Variants in ELN observed in about 807,000 individuals in gnomAD.
ELN encodes tropoelastin.
A neutral mutation model predicts 105.8 loss-of-function variants in ELN; 65 were observed. The ratio of observed to expected loss-of-function variants is 0.61; its 90% confidence interval spans 0.50 to 0.75. ELN has a LOEUF of 0.75. Among genes scored for constraint, ELN ranks in the 30% least tolerant of loss-of-function variants. The probability of loss-of-function intolerance (pLI) is 0.00; values close to 1 mark genes in which losing one functional copy is unlikely to be tolerated. For missense variants in ELN, 882 were observed against 969.4 expected (o/e 0.91, Z 1.20); for synonymous variants, 368 against 389.2 (o/e 0.95, Z 0.64).
chr7:74,066,051 G>T lies in ELN; in HGVS notation c.2086+54G>T, dbSNP rs370006909. ...CCTCAGCTCTGTCCCGATCTAGAGG[G>T]GGCCTGTCCATCTAGCAGTGGGGAC... On this transcript the variant is annotated intron_variant, in intron 31 of 32. Coordinates refer to ENST00000252034, the MANE Select transcript of ELN (RefSeq NM_000501.4). 96 of 1,612,594 alleles carry T rather than the reference G, an allele frequency of 6.0e-5. No homozygotes were observed. In the African/African-American group the frequency reaches 1.2e-3, roughly 19 times the overall value.
Position 74,060,193 on chromosome 7 carries a change from C to T in ELN, c.1621+9C>T, listed in dbSNP as rs986704190. The T allele has an allele frequency of 6.2e-7, 1 of 1,614,108 alleles. No homozygotes were observed. The highest frequency in any genetic ancestry group is 8.5e-7 in the Non-Finnish European group (1 of 1,180,048). ...TGCCAAAGCCCAGCTCCGTGAGTGC[C>T]TCGCCCACCTTTCTCTCCTCTCCCC... On this transcript the variant is annotated intron_variant, in intron 24 of 32. Transcript: ENST00000252034.
chr7:74,059,303 C>T (rs782026284), intron 22 of ELN, among the ~76,000 whole-genome samples: 3 of 152,190 alleles, frequency 2.0e-5, no homozygotes, highest in Non-Finnish European at 4.4e-5. Flanking sequence ...AACCCAAAGC[C>T]TTTCTGTCTT....
At chr7:74,045,134 G>T in intron 9 of ELN, 88 bp from the exon 10 acceptor site, 13 of 1,499,012 alleles carry the variant, frequency 8.7e-6, no homozygotes, top group Non-Finnish European at 1.2e-5. Context: ...CCCAAGGGAG[G>T]TCAGCTGGGG....
At chr7:74,043,076 G>T in intron 7 of ELN, 42 bp downstream of exon 7, 1 of 1,614,198 alleles carries the variant, frequency 6.2e-7, no homozygotes, top group Non-Finnish European at 8.5e-7. Flanking sequence ...AAAGTTGCAG[G>T]CCTGGGTGGA....
intron 26 of ELN, among the ~76,000 whole-genome samples, chr7:74,061,567 G>A (rs905962692): frequency 5.3e-5 from 8 of 152,080 alleles, no homozygotes; most frequent in East Asian, 1.9e-4. Context: ...CAGGAGAATC[G>A]CTTGAACCCA....
chr7:74,066,574 T>A (rs1798004958), intron 31 of ELN, among the ~76,000 whole-genome samples, 158 bp from the exon 32 acceptor site: 1 of 151,696 alleles, frequency 6.6e-6, no homozygotes, highest in African/African-American at 2.4e-5. Context: ...CTCAAAAAAA[T>A]AATAATAAAA....
intron 2 of ELN, 110 bp downstream of exon 2, chr7:74,035,524 G>A: frequency 7.7e-7 from 1 of 1,298,202 alleles, no homozygotes. Flanking sequence ...ACGCCTACCA[G>A]AAGTCACACC....
intron 18 of ELN, among the ~76,000 whole-genome samples, chr7:74,053,523 C>A (rs1794576107): frequency 6.6e-6 from 1 of 152,162 alleles, no homozygotes; most frequent in Admixed American, 6.5e-5. Flanking sequence ...TTCCAATTGA[C>A]CTTCTGGCTA....
chr7:74,063,531 G>A lies in ELN; in HGVS notation c.1919-90G>A. Reference sequence around the variant, plus strand: ...AGGGGAGACCTCAGGCTCCACCTGTGTCCCCAGAGGACACCTCCGCCCTCC... The same window carrying A: ...AGGGGAGACCTCAGGCTCCACCTGTATCCCCAGAGGACACCTCCGCCCTCC... On this transcript the variant is annotated intron_variant, in intron 28 of 32. Transcript: ENST00000252034. The surrounding 1 kb of genome is among the most constrained non-coding windows in gnomAD (Gnocchi z 4.1). The A allele has an allele frequency of 2.5e-5, 41 of 1,611,458 alleles. No homozygotes were observed. Among genetic ancestry groups the A allele is most frequent in the Non-Finnish European group, 3.3e-5 (39 of 1,178,796 alleles).
intron 32 of ELN, among the ~76,000 whole-genome samples, chr7:74,067,990 C>G (rs1333435208): frequency 6.6e-6 from 1 of 151,366 alleles, no homozygotes; most frequent in Non-Finnish European, 1.5e-5. Context: ...GTTCCTGCCC[C>G]ACTCTCTGCT....
At chr7:74,035,780 T>TA (rs144049843) in intron 2 of ELN, 30,316 of 336,038 alleles carry the variant, frequency 0.09, 1,760 homozygotes, top group African/African-American at 0.2. Context: ...GTATAGAAAT[T>TA]AAAAAAAAAT....
rs186884963 is a variant in ELN at position 74,063,105 on chromosome 7, A to C, written c.1787-48A>C. The C allele has an allele frequency of 7.7e-6, 12 of 1,565,526 alleles. No homozygotes were observed. The African/African-American group carries it at 1.5e-4, about 19-fold the overall frequency. On this transcript the variant is annotated intron_variant, in intron 26 of 32. Transcript: ENST00000252034. This position sits in a 1 kb window ranked among gnomAD's most constrained non-coding sequence, Gnocchi z 4.1. Reference sequence around the variant, plus strand: ...TGCCTTGTGTCCCTGGGGCAGGGAGACCCATCGTTCAGAAATGGAACACTC... The same window carrying C: ...TGCCTTGTGTCCCTGGGGCAGGGAGCCCCATCGTTCAGAAATGGAACACTC...
intron 20 of ELN, 93 bp downstream of exon 20, chr7:74,056,528 G>A (rs951298799): frequency 3.1e-5 from 50 of 1,603,148 alleles, no homozygotes; most frequent in African/African-American, 5.4e-5. Context: ...ACTGTAGATC[G>A]GGCTTGAATG....
Position 74,068,878 on chromosome 7 carries a change from G to A in ELN, c.*178G>A. The A allele has an allele frequency of 1.4e-6, 1 of 740,102 alleles. No individual in the cohort carries two copies. 45.8% of individuals were successfully genotyped at this position (740,102 alleles called of 1,614,324 possible). On this transcript the variant is annotated 3_prime_UTR_variant, in exon 33 of 33. Transcript: ENST00000252034. ...AAGGAAACAAGAGGGGAGCGGCCAAGTGCCCCGACCAGGAGGCCCCCTACT... is the reference window on the plus strand; with the variant it reads ...AAGGAAACAAGAGGGGAGCGGCCAAATGCCCCGACCAGGAGGCCCCCTACT...
rs187294216 is a variant in ELN, at chr7:74,055,715, A to G, written c.1151-556A>G. Among the ~76,000 whole-genome samples, 522 of 150,754 alleles carry G rather than the reference A, an allele frequency of 3.5e-3. 1 individual carries two copies. Among genetic ancestry groups the G allele is most frequent in the African/African-American group, 0.012 (475 of 41,064 alleles). On this transcript the variant is annotated intron_variant, in intron 19 of 32. Coordinates refer to ENST00000252034, the MANE Select transcript of ELN (RefSeq NM_000501.4). ...GGCTGGTCTCGAACTCCTGGACTCA[A>G]ATGATCCACCTGCCTCGTGGATCCC... is the stretch of plus-strand genomic sequence containing the variant.
intron 24 of ELN, 38 bp downstream of exon 24, chr7:74,060,222 G>T (rs782776351): frequency 2.5e-6 from 4 of 1,613,980 alleles, no homozygotes; most frequent in East Asian, 2.2e-5. Context: ...TCTCCCCAAC[G>T]ATCTCAGAGC....
intron 12 of ELN, among the ~76,000 whole-genome samples, chr7:74,047,446 C>T (rs574518821): frequency 6.6e-6 from 1 of 152,316 alleles, no homozygotes; most frequent in South Asian, 2.1e-4. Flanking sequence ...GACTCCAGGG[C>T]CATGATGGGG....
At chr7:74,046,570 C>G (rs879946767) in intron 11 of ELN, 126 bp from the exon 12 acceptor site, 11 of 972,610 alleles carry the variant, frequency 1.1e-5, no homozygotes, top group Middle Eastern at 2.3e-4. Context: ...TTCAGGGAGT[C>G]CCTCGAAGCA....
chr7:74,057,706 C>T lies in ELN; in HGVS notation c.1414+10C>T, dbSNP rs544467868. 6.2e-7 allele frequency: 1 copy of T among 1,612,796 alleles called. No individual in the cohort carries two copies. Among genetic ancestry groups the T allele is most frequent in the South Asian group, 1.1e-5 (1 of 91,016 alleles). ...AAAGCCGCCCAGTTTGGTAAGTCCC[C>T]CTCACCCCCGCCACTGGCTCACGGA... On this transcript the variant is annotated intron_variant, in intron 22 of 32. Transcript: ENST00000252034.
Sources: allele counts gnomAD v4.1 joint callset (sites outside exome capture counted in the v4.1 genomes callset), GRCh38; gene constraint gnomAD v4.1.1; non-coding constraint Gnocchi (gnomAD v3.1); transcripts MANE v1.5; gene names NCBI Gene and HGNC (gene_info 2026-07-23, HGNC 2026-07-21).